The following USP9X variants were observed in gnomAD, a reference collection of about 807,000 sequenced individuals.
USP9X encodes ubiquitin specific peptidase 9 X-linked.
Under a neutral mutation model 190.3 loss-of-function variants are expected in USP9X, and 7 were observed. The ratio of observed to expected loss-of-function variants is 0.04; its 90% confidence interval spans 0.02 to 0.07. The LOEUF is 0.07. USP9X is among the 10% of genes least tolerant of loss of function. The pLI is 1.00. For missense variants in USP9X, 1,010 were observed against 1,916.9 expected, an observed-to-expected ratio of 0.53 and a Z score of 8.83; for synonymous variants, 645 against 659.5, an observed-to-expected ratio of 0.98 and a Z score of 0.34.
intron 29 of USP9X, 49 bp from the exon 30 acceptor site, chrX:41,198,479 T>A: frequency 1.0e-6 from 1 of 991,989 alleles, no homozygotes; most frequent in Non-Finnish European, 1.4e-6. Flanking sequence ...TTTTTTTTTC[T>A]AAAAATATAT....
intron 1 of USP9X, 122 bp from the exon 2 acceptor site, chrX:41,123,349 C>T: frequency 3.6e-6 from 1 of 278,120 alleles, no homozygotes; most frequent in Non-Finnish European, 6.3e-6. Flanking sequence ...TTTACTTTCT[C>T]TTCTTGTTTG....
chrX:41,184,549 A>G lies in USP9X; in HGVS notation c.3432A>G (p.Arg1144=). 8.3e-7 allele frequency: 1 copy of G among 1,211,563 alleles called. No homozygotes were observed. The highest frequency in any genetic ancestry group is 3.0e-5 in the East Asian group (1 of 33,832). ...TACCGAATGCAGATATGGAAACTCG[A>G]AGGGGTGCCTACCTCAATGCTCTTA... ...NFLPNADMET[R]RGAYLNALKI... is the part of the protein sequence containing the mutation. Residue 1144 remains arginine, a synonymous_variant, in exon 23 of 45, where the codon CGA becomes CGG. Transcript: ENST00000378308.
In USP9X at chrX:41,087,108, A is replaced by G. The variant is rs138652424; in HGVS notation, c.-159+999A>G. 6.9e-3 allele frequency among the ~76,000 whole-genome samples: 780 copies of G among 112,825 alleles called. 5 individuals are homozygous for G. The highest frequency in any genetic ancestry group is 0.014 in the Middle Eastern group (3 of 218). ...AACGTTAATTGAATTTACACGGTGC[A>G]GTTTACAGGTGTATATAATTGCTTC... is the stretch of plus-strand genomic sequence containing the variant. On this transcript the variant is annotated intron_variant, in intron 1 of 44. Coordinates refer to ENST00000378308, the MANE Select transcript of USP9X (RefSeq NM_001039591.3).
intron 21 of USP9X, among the ~76,000 whole-genome samples, chrX:41,181,160 A>G (rs1396470344): frequency 8.9e-6 from 1 of 111,783 alleles, no homozygotes; most frequent in Non-Finnish European, 1.9e-5. Flanking sequence ...ACCACACAAC[A>G]TACCTATAAG....
Position 41,170,626 on chromosome X carries a change from A to C in USP9X, c.3027+7A>C, listed in dbSNP as rs1458184174. On this transcript the variant is annotated splice_region_variant and intron_variant, in intron 20 of 44. Transcript: ENST00000378308. ...AAGCTGTTTGCCTGGAGTGGTGAGT[A>C]GATACAGTTTTGAACTACTGTATGT... 1 of 1,207,303 alleles carries C rather than the reference A, an allele frequency of 8.3e-7. No individual in the cohort carries two copies. Among genetic ancestry groups the C allele is most frequent in the African/African-American group, 1.7e-5 (1 of 57,611 alleles).
At chrX:41,146,809 A>G (rs1461230061) in intron 11 of USP9X, among the ~76,000 whole-genome samples, 2 of 102,207 alleles carry the variant, frequency 2.0e-5, no homozygotes, top group Non-Finnish European at 3.9e-5. Flanking sequence ...AATTTCTCCC[A>G]ATTTGGTTAT....
chrX:41,103,576 A>T (rs1162969416), intron 1 of USP9X, among the ~76,000 whole-genome samples: 1 of 112,337 alleles, frequency 8.9e-6, no homozygotes, highest in Admixed American at 9.4e-5. Flanking sequence ...GCCATCTGTC[A>T]CGTTATATTA....
chrX:41,164,913 G>A (rs1333819509), intron 15 of USP9X, among the ~76,000 whole-genome samples: 1 of 111,589 alleles, frequency 9.0e-6, no homozygotes, highest in Non-Finnish European at 1.9e-5. Context: ...GAAGTTTCCC[G>A]ATTTTTCCTT....
chrX:41,129,560 C>G (rs1233248396), intron 3 of USP9X, among the ~76,000 whole-genome samples: 2 of 111,844 alleles, frequency 1.8e-5, no homozygotes, highest in Non-Finnish European at 3.8e-5. Context: ...GTCTTCATCT[C>G]AGGGAACAGT....
At chrX:41,113,688 G>C (rs1296471451) in intron 1 of USP9X, among the ~76,000 whole-genome samples, 1 of 110,935 alleles carries the variant, frequency 9.0e-6, no homozygotes, top group Admixed American at 9.6e-5. Flanking sequence ...TTTCACTGCA[G>C]ATTTTTTTCA....
chrX:41,218,165 A>G (rs773157818), intron 36 of USP9X, among the ~76,000 whole-genome samples: 2 of 111,471 alleles, frequency 1.8e-5, no homozygotes, highest in East Asian at 5.6e-4. Flanking sequence ...TTAGAGGACA[A>G]GCTTTCACCT....
Position 41,187,546 on chromosome X carries a change from T to C in USP9X, c.3685-446T>C, listed in dbSNP as rs193130652. Among the ~76,000 whole-genome samples, 80 of 112,996 alleles carry C rather than the reference T, an allele frequency of 7.1e-4. 1 individual carries two copies. The highest frequency in any genetic ancestry group is 6.8e-3 in the Admixed American group (73 of 10,693). On this transcript the variant is annotated intron_variant, in intron 24 of 44. Transcript: ENST00000378308. ...TTGTGTAGACATAAATTTTCATTTT[T>C]CTTGGATAAGAAACTACGAGTGGAA... is the stretch of plus-strand genomic sequence containing the variant.
Position 41,218,529 on chromosome X carries a change from A to G in USP9X, c.6367A>G (p.Ile2123Val). 2 of 1,211,560 alleles carry G rather than the reference A, an allele frequency of 1.7e-6. No individual in the cohort carries two copies. Among genetic ancestry groups the G allele is most frequent in the Non-Finnish European group, 1.1e-6 (1 of 895,505 alleles). ...RGAFAKLIVF[I>V]AHFSLQDGPC... Reference sequence around the variant, plus strand: ...TGCGTTTGCAAAACTTATAGTCTTTATTGCACATTTTTCCTTGCAAGATGG... The same window carrying G: ...TGCGTTTGCAAAACTTATAGTCTTTGTTGCACATTTTTCCTTGCAAGATGG... The change falls in exon 37 of 45, where the codon ATT becomes GTT. Residue 2123 changes from isoleucine to valine, a missense_variant. Transcript: ENST00000378308.
chrX:41,219,469 T>A (rs1047109272), intron 38 of USP9X, among the ~76,000 whole-genome samples: 1 of 108,865 alleles, frequency 9.2e-6, no homozygotes, highest in African/African-American at 3.4e-5. Context: ...AATCTCCTAA[T>A]GCAGTGGTGC....
chrX:41,085,620 T>C lies in USP9X; in HGVS notation c.-648T>C. On this transcript the variant is annotated 5_prime_UTR_variant, in exon 1 of 45. Coordinates refer to ENST00000378308, the MANE Select transcript of USP9X (RefSeq NM_001039591.3). The stretch of plus-strand genomic sequence containing the variant: ...CTCGCGGGAGCCCGCCGCCGCCGCC[T>C]CTCTCTCACGGGAGGCGGCCGCCTT... 1 of 285,724 alleles carries C rather than the reference T, an allele frequency of 3.5e-6. No homozygotes were observed. The highest frequency in any genetic ancestry group is 6.1e-6 in the Non-Finnish European group (1 of 162,940). The allele number at this position is 285,724 out of a possible 1,213,427, so 23.5% of individuals were successfully genotyped here.
At chrX:41,112,863 C>T (rs913334362) in intron 1 of USP9X, among the ~76,000 whole-genome samples, 3 of 112,720 alleles carry the variant, frequency 2.7e-5, no homozygotes, top group Non-Finnish European at 3.7e-5. Context: ...TATTTTCACT[C>T]ACATTTCATG....
In USP9X at chrX:41,140,758, G is replaced by A; in HGVS notation, c.757G>A (p.Ala253Thr). 1 of 1,191,729 alleles carries A rather than the reference G, an allele frequency of 8.4e-7. No individual in the cohort carries two copies. Among genetic ancestry groups the A allele is most frequent in the African/African-American group, 1.8e-5 (1 of 56,982 alleles). ...ATCAGCATTAAACGTTCAAATAATT[G>A]CAGCCCTTATTAAGTAAGTTACATT... ...NGSALNVQIIAALIKPFGQCY... is the reference protein window; with the variant it reads ...NGSALNVQIITALIKPFGQCY... The change falls in exon 7 of 45, where the codon GCA becomes ACA. Residue 253 changes from alanine (A) to threonine (T), a missense_variant. Transcript: ENST00000378308.
intron 38 of USP9X, among the ~76,000 whole-genome samples, chrX:41,221,453 G>A (rs1428124378): frequency 1.8e-5 from 2 of 111,266 alleles, no homozygotes; most frequent in Non-Finnish European, 3.8e-5. Flanking sequence ...TGCATCACGG[G>A]GGGCATGGTA....
chrX:41,220,340 A>G (rs1324636792), intron 38 of USP9X, among the ~76,000 whole-genome samples: 1 of 112,347 alleles, frequency 8.9e-6, no homozygotes. Context: ...AGCACACATC[A>G]TTGTTCCATA....
Sources: gnomAD v4.1 joint callset for allele counts (sites outside exome capture counted in the v4.1 genomes callset) on GRCh38, gnomAD v4.1.1 for gene constraint, MANE v1.5 for transcripts, NCBI Gene and HGNC (gene_info 2026-07-23, HGNC 2026-07-21) for gene names.